TASOR: variants seen among roughly 807,000 people sequenced by gnomAD.
TASOR encodes the protein transcription activation suppressor, also known as protein TASOR.
In TASOR, 53 loss-of-function variants were observed where a neutral mutation model predicts 178.6. The ratio of observed to expected loss-of-function variants is 0.30; its 90% CI spans 0.24 to 0.37. The LOEUF is 0.37. Among genes scored for constraint, TASOR ranks in the 10% least tolerant of loss-of-function variants. The probability of loss-of-function intolerance (pLI) is 1.00; values close to 1 mark genes in which losing one functional copy is unlikely to be tolerated. For missense variants in TASOR, 1,815 were observed against 1,971.4 expected (o/e 0.92, Z 1.50); for synonymous variants, 713 against 696.2 (o/e 1.02, Z -0.38).
Position 56,638,750 on chromosome 3 carries a change from C to T in TASOR, c.2780G>A (p.Ser927Asn). 6.2e-7 allele frequency: 1 copy of T among 1,614,108 alleles called. No individual in the cohort carries two copies. The highest frequency in any genetic ancestry group is 8.5e-7 in the Non-Finnish European group (1 of 1,179,986). ...LIPITGGNAR[S>N]PEDQLGKHGE... ...ATGTTTCCCCAGCTGGTCTTCTGGGCTTCTTGCATTCCCTCCTGAGGGAAA... is the reference window on the plus strand; with the variant it reads ...ATGTTTCCCCAGCTGGTCTTCTGGGTTTCTTGCATTCCCTCCTGAGGGAAA... The change falls in exon 17 of 24, where the codon AGC (serine) becomes AAC (asparagine). Residue 927 changes from serine (S) to asparagine (N), a missense_variant. By Grantham distance (46) the Ser-to-Asn change is conservative. Around this residue, in one of 5 missense-constraint regions of TASOR, gnomAD observed 655 missense variants for 671.1 expected, o/e 0.98. Transcript: ENST00000683822.
chr3:56,662,517 G>T (rs570191048), intron 8 of TASOR, 27 bp from the exon 9 acceptor site: 2 of 1,195,972 alleles, frequency 1.7e-6, no homozygotes, highest in African/African-American at 1.6e-5. Flanking sequence ...TAATGACACA[G>T]CTTAGTCACT....
intron 1 of TASOR, among the ~76,000 whole-genome samples, chr3:56,676,203 G>A (rs1282519546): frequency 6.6e-6 from 1 of 152,256 alleles, no homozygotes; most frequent in Admixed American, 6.5e-5. Context: ...AGCTAGACCT[G>A]TGAGTGCCAG....
At chr3:56,631,584 GTTTTTT>G (rs932459148) in intron 18 of TASOR, among the ~76,000 whole-genome samples, 11 of 113,430 alleles carry the variant, frequency 9.7e-5, no homozygotes, top group African/African-American at 2.9e-4. Context: ...GTGTTTTTTT[GTTTTTT>G]TTTTTTTTTT....
intron 17 of TASOR, among the ~76,000 whole-genome samples, chr3:56,634,789 T>TC (rs1309288501): frequency 6.6e-6 from 1 of 152,100 alleles, no homozygotes; most frequent in Non-Finnish European, 1.5e-5. Context: ...GATCATACTT[T>TC]CCCCAAAAAA....
intron 11 of TASOR, among the ~76,000 whole-genome samples, chr3:56,655,487 C>G (rs2107598864): frequency 6.6e-6 from 1 of 152,182 alleles, no homozygotes; most frequent in Admixed American, 6.5e-5. Flanking sequence ...ATAGAACAGG[C>G]TGGGCATGGT....
In TASOR at chr3:56,666,980, T is replaced by G. The variant is rs141136525; in HGVS notation, c.898-596A>C. ...TTCACTTTAAGAATGCCTGAGTTTATGAACAAAGTAGTACAGTTCTTCAAA... is the reference window on the plus strand; with the variant it reads ...TTCACTTTAAGAATGCCTGAGTTTAGGAACAAAGTAGTACAGTTCTTCAAA... On this transcript the variant is annotated intron_variant, in intron 6 of 23. Coordinates refer to ENST00000683822, the MANE Select transcript of TASOR (RefSeq NM_001365635.2). Among the ~76,000 whole-genome samples the G allele has an allele frequency of 9.8e-5, 15 of 152,348 alleles. No individual in the cohort carries two copies. In the South Asian group the frequency reaches 1.7e-3, roughly 17 times the overall value.
At chr3:56,663,113 G>A (rs912079118) in intron 8 of TASOR, among the ~76,000 whole-genome samples, 1 of 152,068 alleles carries the variant, frequency 6.6e-6, no homozygotes, top group Admixed American at 6.6e-5. Flanking sequence ...AACCCAGGAG[G>A]CAGAGGTTGC....
intron 18 of TASOR, among the ~76,000 whole-genome samples, chr3:56,631,847 T>G (rs533125380): frequency 3.9e-4 from 60 of 152,282 alleles, no homozygotes; most frequent in African/African-American, 1.4e-3. Flanking sequence ...CCTCCCAAAG[T>G]GCTGGGATTA....
chr3:56,676,341 TAA>T, intron 1 of TASOR, among the ~76,000 whole-genome samples: 1 of 152,198 alleles, frequency 6.6e-6, no homozygotes, highest in Non-Finnish European at 1.5e-5. Flanking sequence ...AACAATTCAG[TAA>T]TATACGAAAC....
intron 1 of TASOR, among the ~76,000 whole-genome samples, chr3:56,681,046 T>G (rs541566182): frequency 1.3e-5 from 2 of 151,862 alleles, no homozygotes; most frequent in African/African-American, 4.8e-5. Flanking sequence ...AAACTAAATT[T>G]TGAAGAGTTT....
chr3:56,665,888 G>A (rs1305695090), intron 7 of TASOR, among the ~76,000 whole-genome samples: 3 of 152,104 alleles, frequency 2.0e-5, no homozygotes, highest in Non-Finnish European at 4.4e-5. Context: ...AGAATGGCGT[G>A]AACCCGGGAG....
intron 14 of TASOR, among the ~76,000 whole-genome samples, chr3:56,644,244 T>G (rs2077188780): frequency 6.6e-6 from 1 of 152,160 alleles, no homozygotes; most frequent in South Asian, 2.1e-4. Context: ...ATAATGCCTA[T>G]CACTCAAGAA....
chr3:56,666,235 G>A (rs1376011519), intron 7 of TASOR, 25 bp downstream of exon 7: 2 of 1,511,044 alleles, frequency 1.3e-6, no homozygotes, highest in Non-Finnish European at 1.8e-6. Flanking sequence ...CACTGCGGAT[G>A]ATGTCTAAAA....
chr3:56,673,871 C>T, intron 1 of TASOR, 146 bp from the exon 2 acceptor site: 1 of 664,006 alleles, frequency 1.5e-6, no homozygotes, highest in Non-Finnish European at 2.4e-6. Flanking sequence ...AAAAGAGATA[C>T]TTATTAACTC....
rs751471538 is a variant in TASOR at position 56,668,513 on chromosome 3, C to G, written c.781G>C (p.Glu261Gln). The G allele has an allele frequency of 6.4e-7, 1 of 1,551,486 alleles. No homozygotes were observed. The highest frequency in any genetic ancestry group is 1.2e-5 in the South Asian group (1 of 84,042). Reference sequence around the variant, plus strand: ...AAAGCACTCTTATTTAACATAGATTCCAAACTTTTTACACCCATGGGGTCA... The same window carrying G: ...AAAGCACTCTTATTTAACATAGATTGCAAACTTTTTACACCCATGGGGTCA... The part of the protein sequence containing the change: ...IYDPMGVKSL[E>Q]SMLNKSALDP... The change falls in exon 6 of 24, where the codon GAA (glutamate) becomes CAA (glutamine). Residue 261 changes from glutamate to glutamine, a missense_variant. Physicochemically the swap from Glu to Gln is conservative, Grantham distance 29. Around this residue, in one of 5 missense-constraint regions of TASOR, gnomAD observed 504 missense variants for 645.3 expected, o/e 0.78. Transcript: ENST00000683822.
At chr3:56,638,600 A>G in intron 17 of TASOR, 106 bp downstream of exon 17, 1 of 1,111,286 alleles carries the variant, frequency 9.0e-7, no homozygotes. Flanking sequence ...AATTTTCTGT[A>G]ATTAAAAAAA....
chr3:56,676,153 A>T (rs1444642996), intron 1 of TASOR, among the ~76,000 whole-genome samples: 1 of 151,896 alleles, frequency 6.6e-6, no homozygotes, highest in African/African-American at 2.4e-5. Flanking sequence ...TGAGAGCAGG[A>T]ACCTGCCTTG....
Position 56,648,871 on chromosome 3 carries a change from T to C in TASOR, c.1464A>G (p.Arg488=), listed in dbSNP as rs765159447. 1 of 1,612,382 alleles carries C rather than the reference T, an allele frequency of 6.2e-7. No homozygotes were observed. The highest frequency in any genetic ancestry group is 1.1e-5 in the South Asian group (1 of 90,424). ...PPYEYQTAKS[R]VLHALFLFQE... ...GAAATAGAAACAAAGCATGTAGGAC[T>C]CGAGACTTGGCAGTCTGATATTCTA... The change falls in exon 13 of 24, where the codon CGA becomes CGG. Residue 488 remains arginine, a synonymous_variant. Transcript: ENST00000683822.
At chr3:56,673,770 T>C in intron 1 of TASOR, 45 bp from the exon 2 acceptor site, 2 of 1,445,592 alleles carry the variant, frequency 1.4e-6, no homozygotes, top group African/African-American at 2.9e-5. Context: ...CATTACTCCA[T>C]CTTAAATATA....
Sources: allele counts gnomAD v4.1 joint callset (sites outside exome capture counted in the v4.1 genomes callset), GRCh38; gene constraint gnomAD v4.1.1; regional missense constraint gnomAD v4.1.1; transcripts MANE v1.5; gene names NCBI Gene and HGNC (gene_info 2026-07-23, HGNC 2026-07-21).